Variants in DIP2C observed in about 807,000 individuals in gnomAD.
DIP2C encodes disco-interacting protein 2 homolog C.
In DIP2C, 33 loss-of-function variants were observed where a neutral mutation model predicts 192.4. That is an observed-to-expected ratio of 0.17 (90% CI 0.13 to 0.23). The LOEUF is 0.23. Among genes scored for constraint, DIP2C ranks in the 10% least tolerant of loss-of-function variants. The pLI is 1.00. For synonymous variants in DIP2C, 979 were observed against 864.1 expected, an observed-to-expected ratio of 1.13 and a Z score of -2.33; for missense variants, 1,537 against 2,110.1, an observed-to-expected ratio of 0.73 and a Z score of 5.32.
rs1157806153 is a variant in DIP2C, at chr10:529,473, CAA to C, written c.86-42945_86-42944del. 9.4e-5 allele frequency among the ~76,000 whole-genome samples: 12 copies of C among 127,250 alleles called. No individual in the cohort carries two copies. The East Asian group carries it at 3.1e-3, about 33-fold the overall frequency. 83.5% of individuals were successfully genotyped at this position (127,250 alleles called of 152,430 possible). A position where few individuals can be genotyped will look rare whatever the true frequency, so the allele number is the denominator to read the frequency against. On this transcript the variant is annotated intron_variant, in intron 1 of 36. Transcript: ENST00000280886. ...CTTCGTTTTCCGTCCTTAAAAGACA[CAA>C]AAGTTAGTTCTCAAAATAGACAACC...
intron 1 of DIP2C, among the ~76,000 whole-genome samples, chr10:522,738 T>C (rs1283011556): frequency 1.3e-5 from 2 of 152,278 alleles, no homozygotes; most frequent in Non-Finnish European, 2.9e-5. Flanking sequence ...ATTTTCTTAT[T>C]ATTGGGTTTT....
At chr10:645,357 T>C (rs1855394281) in intron 1 of DIP2C, among the ~76,000 whole-genome samples, 1 of 152,072 alleles carries the variant, frequency 6.6e-6, no homozygotes, top group Non-Finnish European at 1.5e-5. Context: ...GATTTAGAAA[T>C]CCTTCTCCAT....
chr10:279,717 A>G (rs1284660040), intron 36 of DIP2C, among the ~76,000 whole-genome samples: 2 of 152,198 alleles, frequency 1.3e-5, no homozygotes, highest in African/African-American at 4.8e-5. Flanking sequence ...TCAAACATTC[A>G]AAAGTCCACT....
At chr10:588,383 A>G (rs1851208143) in intron 1 of DIP2C, among the ~76,000 whole-genome samples, 1 of 152,220 alleles carries the variant, frequency 6.6e-6, no homozygotes, top group African/African-American at 2.4e-5. Flanking sequence ...AAATCTTGTC[A>G]TCAACTGTCT....
intron 17 of DIP2C, chr10:369,850 G>C: frequency 7.5e-7 from 1 of 1,342,144 alleles, no homozygotes; most frequent in South Asian, 1.5e-5. Flanking sequence ...TACATTCCCA[G>C]GGAATCCCAA....
chr10:296,415 C>G (rs1955755239), intron 32 of DIP2C, among the ~76,000 whole-genome samples: 1 of 150,638 alleles, frequency 6.6e-6, no homozygotes, highest in Non-Finnish European at 1.5e-5. Context: ...TATGGAGAAA[C>G]AGGGACACTT....
In DIP2C at chr10:558,780, ATTATT is replaced by A. The variant is rs973264944; in HGVS notation, c.86-72255_86-72251del. On this transcript the variant is annotated intron_variant, in intron 1 of 36. Coordinates refer to ENST00000280886, the MANE Select transcript of DIP2C (RefSeq NM_014974.3). Reference sequence around the variant, plus strand: ...CATCAATTATTTCTGGTAAATATTGATTATTTTAAGTTAACAGAGGCAACACAGGA... The same window carrying A: ...CATCAATTATTTCTGGTAAATATTGATTAAGTTAACAGAGGCAACACAGGA... Among the ~76,000 whole-genome samples the A allele has an allele frequency of 1.9e-4, 29 of 152,324 alleles. 1 individual carries two copies. Among genetic ancestry groups the A allele is most frequent in the African/African-American group, 6.3e-4 (26 of 41,578 alleles).
intron 4 of DIP2C, among the ~76,000 whole-genome samples, chr10:426,916 C>G (rs916435147): frequency 2.6e-5 from 4 of 152,042 alleles, no homozygotes; most frequent in African/African-American, 7.3e-5. Flanking sequence ...AAATGGATCA[C>G]AGACCTAAAT....
At chr10:310,217 T>G in intron 31 of DIP2C, 125 bp from the exon 32 acceptor site, 1 of 886,844 alleles carries the variant, frequency 1.1e-6, no homozygotes, top group Non-Finnish European at 1.8e-6. Flanking sequence ...TAAAAACACT[T>G]AGACCAGCAA....
intron 28 of DIP2C, 111 bp from the exon 29 acceptor site, chr10:341,440 A>C: frequency 6.9e-7 from 1 of 1,458,150 alleles, no homozygotes; most frequent in Non-Finnish European, 9.4e-7. Flanking sequence ...CGGACCTGAC[A>C]CCCTCAGACA....
intron 6 of DIP2C, among the ~76,000 whole-genome samples, chr10:417,552 G>A (rs1327765180): frequency 6.6e-6 from 1 of 152,154 alleles, no homozygotes; most frequent in African/African-American, 2.4e-5. Flanking sequence ...AGGCACAGTT[G>A]GGCTCTGCCT....
chr10:441,237 A>G (rs1363338625), intron 3 of DIP2C: 1 of 462,348 alleles, frequency 2.2e-6, no homozygotes, highest in Non-Finnish European at 3.8e-6. Flanking sequence ...CACTGGCTGT[A>G]AACTGCACTG....
intron 1 of DIP2C, among the ~76,000 whole-genome samples, chr10:685,977 A>G (rs1347803494): frequency 6.6e-6 from 1 of 152,160 alleles, no homozygotes; most frequent in Non-Finnish European, 1.5e-5. Flanking sequence ...AAAAATAAAT[A>G]AGACATGAGT....
chr10:586,895 G>A (rs547407454), intron 1 of DIP2C, among the ~76,000 whole-genome samples: 1 of 151,826 alleles, frequency 6.6e-6, no homozygotes, highest in South Asian at 2.1e-4. Context: ...ACCAGCATGA[G>A]TTCTAAGGCC....
chr10:310,472 TAAC>T lies in DIP2C; in HGVS notation c.3925-383_3925-381del, dbSNP rs143035074. ...AATTTTTACCACATGCATCCACCTT[TAAC>T]AAAAGGTGTATTTTGAGGGCCCAGG... On this transcript the variant is annotated intron_variant, in intron 31 of 36. Transcript: ENST00000280886. 3.4e-3 allele frequency among the ~76,000 whole-genome samples: 512 copies of T among 152,324 alleles called. 3 individuals carry two copies. The highest frequency in any genetic ancestry group is 0.011 in the African/African-American group (478 of 41,580).
At chr10:556,597 CTA>C (rs113631086) in intron 1 of DIP2C, among the ~76,000 whole-genome samples, 261 of 151,708 alleles carry the variant, frequency 1.7e-3, no homozygotes, top group African/African-American at 6.1e-3. Context: ...TCACCATCTG[CTA>C]TAGACACATG....
chr10:508,902 C>A (rs1472292503), intron 1 of DIP2C, among the ~76,000 whole-genome samples: 1 of 152,110 alleles, frequency 6.6e-6, no homozygotes, highest in African/African-American at 2.4e-5. Context: ...TGGAAGGCGG[C>A]CACTCTGACC....
At chr10:565,510 A>G (rs557328997) in intron 1 of DIP2C, among the ~76,000 whole-genome samples, 3 of 152,348 alleles carry the variant, frequency 2.0e-5, no homozygotes, top group East Asian at 1.9e-4. Context: ...TAAACAAGGC[A>G]TATGATGAAC....
chr10:407,229 A>G (rs1964870070), intron 9 of DIP2C, among the ~76,000 whole-genome samples: 1 of 152,210 alleles, frequency 6.6e-6, no homozygotes, highest in South Asian at 2.1e-4. Context: ...GAATCACGCA[A>G]TACCTGTTTT....
Sources: allele counts gnomAD v4.1 joint callset (sites outside exome capture counted in the v4.1 genomes callset), GRCh38; gene constraint gnomAD v4.1.1; transcripts MANE v1.5; gene names NCBI Gene and HGNC (gene_info 2026-07-23, HGNC 2026-07-21).